CCDC152: variants seen among roughly 807,000 people sequenced by gnomAD.
CCDC152 encodes the protein coiled-coil domain-containing protein 152.
In CCDC152, 37 loss-of-function variants were observed where a neutral mutation model predicts 38.1. The observed-to-expected ratio is 0.97, with a 90% CI of 0.75 to 1.28. The LOEUF (loss-of-function observed/expected upper bound fraction) is 1.28. Ranked by LOEUF, CCDC152 falls within the 50% of genes most tolerant of loss-of-function variation. CCDC152 has a pLI of 0.00. For synonymous variants in CCDC152, 83 were observed against 87.1 expected (o/e 0.95, Z 0.26); for missense variants, 259 against 292.1 (o/e 0.89, Z 0.83).
At position 42,799,797 on chromosome 5, in the gene CCDC152, C is replaced by A. The variant is rs994526665; in HGVS notation, c.*16C>A. 4.5e-6 allele frequency: 7 copies of A among 1,547,696 alleles called. 1 individual carries two copies. In the South Asian group the frequency reaches 7.2e-5, roughly 16 times the overall value. ...ACGGTTTTGAGCTTAGCAGTAAATTCATTAGTTGGTATTTATTTAAAAGCA... is the reference window on the plus strand; with the variant it reads ...ACGGTTTTGAGCTTAGCAGTAAATTAATTAGTTGGTATTTATTTAAAAGCA... On this transcript the variant is annotated 3_prime_UTR_variant, in exon 9 of 9. Transcript: ENST00000361970.
At chr5:42,770,697 G>A (rs147601282) in intron 4 of CCDC152, among the ~76,000 whole-genome samples, 10 of 152,158 alleles carry the variant, frequency 6.6e-5, no homozygotes, top group East Asian at 1.9e-4. Flanking sequence ...TTTTGATAGC[G>A]ATTGCATTAA....
At chr5:42,770,598 C>A (rs913833974) in intron 4 of CCDC152, among the ~76,000 whole-genome samples, 2 of 151,986 alleles carry the variant, frequency 1.3e-5, no homozygotes, top group Admixed American at 1.3e-4. Flanking sequence ...TCTTTTTACT[C>A]AAGATTGCTT....
intron 8 of CCDC152, 58 bp downstream of exon 8, chr5:42,799,516 T>G: frequency 8.1e-7 from 1 of 1,241,186 alleles, no homozygotes; most frequent in Non-Finnish European, 1.1e-6. Flanking sequence ...AGCATGTTTC[T>G]ATAAAAATCA....
chr5:42,774,556 C>T (rs997187136), intron 4 of CCDC152, among the ~76,000 whole-genome samples: 2 of 152,148 alleles, frequency 1.3e-5, no homozygotes, highest in Admixed American at 6.5e-5. Flanking sequence ...CCAACTCTAG[C>T]CCATTCTAGC....
chr5:42,760,762 T>C (rs897219496), intron 2 of CCDC152, among the ~76,000 whole-genome samples: 1 of 152,196 alleles, frequency 6.6e-6, no homozygotes, highest in Non-Finnish European at 1.5e-5. Flanking sequence ...TGAAGTAACA[T>C]GAGCTTTTTT....
At chr5:42,762,311 CTG>C (rs1759563594) in intron 2 of CCDC152, 130 bp from the exon 3 acceptor site, 1 of 587,526 alleles carries the variant, frequency 1.7e-6, no homozygotes, top group Non-Finnish European at 3.0e-6. Context: ...CAGTACATGA[CTG>C]TATATGTATT....
intron 4 of CCDC152, among the ~76,000 whole-genome samples, chr5:42,774,155 C>G (rs1311188015): frequency 6.6e-6 from 1 of 152,162 alleles, no homozygotes; most frequent in Admixed American, 6.5e-5. Flanking sequence ...CAGAGAATCA[C>G]AACTTAACAA....
Position 42,764,057 on chromosome 5 carries a change from A to G in CCDC152, c.193+1509A>G, listed in dbSNP as rs182807850. 5.1e-4 allele frequency among the ~76,000 whole-genome samples: 77 copies of G among 152,290 alleles called. 1 individual carries two copies. Among genetic ancestry groups the G allele is most frequent in the African/African-American group, 1.6e-3 (67 of 41,550 alleles). ...CTCACCCCACCACTTCCCTATTACT[A>G]ATATCTTGCATTAGTATGGTACATT... is the stretch of plus-strand genomic sequence containing the variant. On this transcript the variant is annotated intron_variant, in intron 3 of 8. Transcript: ENST00000361970.
chr5:42,769,471 A>T, intron 3 of CCDC152, 126 bp from the exon 4 acceptor site: 1 of 1,114,692 alleles, frequency 9.0e-7, no homozygotes, highest in African/African-American at 1.6e-5. Flanking sequence ...TTGAGTCAAT[A>T]GGACTACAAG....
At chr5:42,771,392 A>G (rs1030180653) in intron 4 of CCDC152, among the ~76,000 whole-genome samples, 2 of 152,210 alleles carry the variant, frequency 1.3e-5, no homozygotes, top group African/African-American at 4.8e-5. Flanking sequence ...ATTAAGCCCA[A>G]AGGTACTCAA....
At chr5:42,774,659 C>G (rs970054659) in intron 4 of CCDC152, among the ~76,000 whole-genome samples, 1 of 152,148 alleles carries the variant, frequency 6.6e-6, no homozygotes, top group African/African-American at 2.4e-5. Flanking sequence ...GAGACCTAAT[C>G]ATAGGACTAT....
Position 42,800,982 on chromosome 5 carries a change from A to G in CCDC152, c.*1201A>G, listed in dbSNP as rs202040224. 2.8e-4 allele frequency: 458 copies of G among 1,614,242 alleles called. No homozygotes were observed. Among genetic ancestry groups the G allele is most frequent in the Middle Eastern group, 2.1e-3 (13 of 6,062 alleles). On this transcript the variant is annotated 3_prime_UTR_variant, in exon 9 of 9. Transcript: ENST00000361970. ...ATGGCAGCATCAGCTCCTAGGAGCC[A>G]ACTCTGAATCTGTGGGCAATTTACA...
rs7579 is a variant in CCDC152, at chr5:42,800,706, C to T, written c.*925C>T. On this transcript the variant is annotated 3_prime_UTR_variant, in exon 9 of 9. Coordinates refer to ENST00000361970, the MANE Select transcript of CCDC152 (RefSeq NM_001134848.2). ...GTCTAGACTAAATTGGGGAGTATGT[C>T]CTATTTTAAATATTTAGTTTGAAGG... The T allele has an allele frequency of 0.29, 458,966 of 1,579,408 alleles. 69,443 individuals are homozygous for T. Among genetic ancestry groups the T allele is most frequent in the Admixed American group, 0.45 (25,381 of 56,204 alleles).
In CCDC152 at chr5:42,801,459, T is replaced by C; in HGVS notation, c.*1678T>C. Reference sequence around the variant, plus strand: ...TTAGAATCGAGCTGGCTTTGTATTATATTAATGAGAAAGAGTCTGATGTTA... The same window carrying C: ...TTAGAATCGAGCTGGCTTTGTATTACATTAATGAGAAAGAGTCTGATGTTA... On this transcript the variant is annotated 3_prime_UTR_variant, in exon 9 of 9. Transcript: ENST00000361970. 1 of 687,506 alleles carries C rather than the reference T, an allele frequency of 1.5e-6. No homozygotes were observed. The highest frequency in any genetic ancestry group is 2.4e-6 in the Non-Finnish European group (1 of 419,598). The allele number at this position is 687,506 out of a possible 1,614,324, so 42.6% of individuals were successfully genotyped here. A position where few individuals can be genotyped will look rare whatever the true frequency, so the allele number is the denominator to read the frequency against.
rs548378028 is a variant in CCDC152 at position 42,791,448 on chromosome 5, A to T, written c.431-5381A>T. On this transcript the variant is annotated intron_variant, in intron 6 of 8. Coordinates refer to ENST00000361970, the MANE Select transcript of CCDC152 (RefSeq NM_001134848.2). ...CTGTCAACCCTGGCTTGCAAAGGAG[A>T]CTGATCACTGAATTTTTTGTGATAC... is the stretch of plus-strand genomic sequence containing the variant. 3.4e-4 allele frequency among the ~76,000 whole-genome samples: 52 copies of T among 152,238 alleles called. 1 individual carries two copies. Among genetic ancestry groups the T allele is most frequent in the Admixed American group, 3.1e-3 (48 of 15,290 alleles).
intron 3 of CCDC152, among the ~76,000 whole-genome samples, chr5:42,764,985 T>C (rs532675253): frequency 1.6e-4 from 24 of 152,326 alleles, no homozygotes; most frequent in Non-Finnish European, 2.9e-4. Flanking sequence ...AGTCAAATTA[T>C]TCTTGTTTGC....
At chr5:42,787,623 A>G (rs1195549946) in intron 6 of CCDC152, among the ~76,000 whole-genome samples, 3 of 151,954 alleles carry the variant, frequency 2.0e-5, no homozygotes, top group East Asian at 3.9e-4. Flanking sequence ...TGAATTGAAG[A>G]CTTTATCATT....
chr5:42,789,534 A>G (rs765604599), intron 6 of CCDC152, among the ~76,000 whole-genome samples: 7 of 152,086 alleles, frequency 4.6e-5, no homozygotes, highest in Admixed American at 2.6e-4. Flanking sequence ...GTACCTTCCT[A>G]TATATTTATG....
intron 1 of CCDC152, 21 bp from the exon 2 acceptor site, chr5:42,759,099 T>TCTACTGTG: frequency 6.9e-7 from 1 of 1,454,830 alleles, no homozygotes; most frequent in Non-Finnish European, 9.4e-7. Flanking sequence ...TTTAACACTA[T>TCTACTGTG]CTACTGTTTA....
Sources: allele counts gnomAD v4.1 joint callset (sites outside exome capture counted in the v4.1 genomes callset), GRCh38; gene constraint gnomAD v4.1.1; transcripts MANE v1.5; gene names NCBI Gene and HGNC (gene_info 2026-07-23, HGNC 2026-07-21).